LRRC56: variants seen among roughly 807,000 people sequenced by gnomAD.
LRRC56 encodes leucine-rich repeat-containing protein 56.
In LRRC56, 41 loss-of-function variants were observed where a neutral mutation model predicts 47.8. The ratio of observed to expected loss-of-function variants is 0.86; its 90% CI spans 0.67 to 1.11. LRRC56 has a LOEUF of 1.11. Among genes scored for constraint, LRRC56 ranks in the 50% most tolerant of loss-of-function variants. LRRC56 has a pLI of 0.00. For missense variants in LRRC56, 759 were observed against 704.2 expected (o/e 1.08, Z -0.88); for synonymous variants, 387 against 311.2 (o/e 1.24, Z -2.56).
At chr11:551,599 G>A in intron 9 of LRRC56, 52 bp from the exon 10 acceptor site, 1 of 1,514,464 alleles carries the variant, frequency 6.6e-7, no homozygotes, top group Non-Finnish European at 8.8e-7. Context: ...CAGAGTCTGG[G>A]GGGCGCTCTC....
upstream of LRRC56, chr11:535,192 C>T (rs1423457517): frequency 1.3e-5 from 2 of 151,434 alleles, no homozygotes; most frequent in African/African-American, 4.8e-5. Context: ...GGGTGGGGCC[C>T]GGATTCCCGC....
chr11:552,477 C>A, intron 12 of LRRC56, 92 bp from the exon 13 acceptor site: 1 of 1,286,822 alleles, frequency 7.8e-7, no homozygotes, highest in South Asian at 1.4e-5. Context: ...TTGGCTGAGT[C>A]ATCCCCAGTC....
At chr11:517,070 C>T in the LRRC56 span, among the ~76,000 whole-genome samples, 5 of 152,334 alleles carry the variant, frequency 3.3e-5, no homozygotes, top group East Asian at 3.9e-4. Context: ...GGCTGGTCTC[C>T]GGCTCCTGAC....
Position 541,549 on chromosome 11 carries a change from C to G in LRRC56, c.190C>G (p.Arg64Gly). 1.9e-6 allele frequency: 3 copies of G among 1,577,762 alleles called. No homozygotes were observed. The highest frequency in any genetic ancestry group is 1.7e-6 in the Non-Finnish European group (2 of 1,160,232). ...TTGGTTTCTACAGCAGGCCCTGGCCCGGGTGGATGACCTTCGGCTGGTGAG... is the reference window on the plus strand; with the variant it reads ...TTGGTTTCTACAGCAGGCCCTGGCCGGGGTGGATGACCTTCGGCTGGTGAG... ...LSPARLQALA[R>G]VDDLRLVRTL... Residue 64 changes from arginine to glycine, a missense_variant, in exon 5 of 14, where the codon CGG (arginine) becomes GGG (glycine). Transcript: ENST00000270115. The surrounding 1 kb of genome is among the most constrained non-coding windows in gnomAD (Gnocchi z 4.1).
At chr11:506,896 A>C in the LRRC56 span, 1 of 152,212 alleles carries the variant, frequency 6.6e-6, no homozygotes, top group African/African-American at 2.4e-5. Context: ...AAGGCGCGCC[A>C]CGTCCGCCCG....
the LRRC56 span, among the ~76,000 whole-genome samples, chr11:513,136 C>CTGTTT: frequency 2.0e-5 from 3 of 152,228 alleles, no homozygotes; most frequent in African/African-American, 7.2e-5. Flanking sequence ...CCGCTTCAAG[C>CTGTTT]TGTTTTGTTT....
the LRRC56 span, chr11:532,457 TTCCTTCCTCC>T: frequency 3.4e-6 from 3 of 870,878 alleles, no homozygotes; most frequent in Non-Finnish European, 5.3e-6. Context: ...GCTTCCGTCC[TTCCTTCCTCC>T]TCCTTCCGTC....
intron 2 of LRRC56, among the ~76,000 whole-genome samples, 171 bp from the exon 3 acceptor site, chr11:539,407 CAG>C (rs1480498394): frequency 6.2e-5 from 4 of 64,954 alleles, no homozygotes; most frequent in Admixed American, 3.3e-4. Flanking sequence ...TTTTTTGAGA[CAG>C]AGTCTTGCTC....
chr11:550,324 T>A, intron 8 of LRRC56, 52 bp downstream of exon 8: 1 of 1,458,020 alleles, frequency 6.9e-7, no homozygotes, highest in Non-Finnish European at 9.1e-7. Context: ...AGAGGCTCCC[T>A]GTGGCTCCAG....
Position 551,173 on chromosome 11 carries a change from A to G in LRRC56, c.667A>G (p.Ile223Val), listed in dbSNP as rs1441179810. 1 of 1,541,676 alleles carries G rather than the reference A, an allele frequency of 6.5e-7. No homozygotes were observed. Among genetic ancestry groups the G allele is most frequent in the Non-Finnish European group, 8.8e-7 (1 of 1,141,666 alleles). Residue 223 changes from isoleucine (I) to valine (V), a missense_variant, in exon 9 of 14, where the codon ATT (isoleucine) becomes GTT (valine). Ile to Val is a conservative substitution (Grantham distance 29). Transcript: ENST00000270115. Reference sequence around the variant, plus strand: ...CTACAGGGCAGAGGTGAGGAAGCTCATTCCCCAGCTGCAGGTCCTGGACGA... The same window carrying G: ...CTACAGGGCAGAGGTGAGGAAGCTCGTTCCCCAGCTGCAGGTCCTGGACGA... ...YNYRAEVRKL[I>V]PQLQVLDEVP...
the LRRC56 span, among the ~76,000 whole-genome samples, chr11:531,228 G>T: frequency 6.6e-5 from 10 of 152,038 alleles, no homozygotes; most frequent in Admixed American, 4.6e-4. Context: ...TGGACAAAAG[G>T]GGGAGTGTCC....
At chr11:543,983 A>T (rs755046518) in intron 5 of LRRC56, among the ~76,000 whole-genome samples, 1 of 151,790 alleles carries the variant, frequency 6.6e-6, no homozygotes, top group Non-Finnish European at 1.5e-5. Flanking sequence ...CTACTGACCT[A>T]GTGATCCACC....
chr11:553,382 C>A (rs1049459887), intron 13 of LRRC56, among the ~76,000 whole-genome samples: 1 of 152,140 alleles, frequency 6.6e-6, no homozygotes, highest in Non-Finnish European at 1.5e-5. Context: ...GGGAACAGGG[C>A]AGGCCAAGCC....
chr11:507,218 G>C, the LRRC56 span: 1 of 152,008 alleles, frequency 6.6e-6, no homozygotes, highest in African/African-American at 2.4e-5. Flanking sequence ...AACCCCACCC[G>C]CCAGTCAGCG....
chr11:544,690 G>A, intron 5 of LRRC56, 30 bp from the exon 6 acceptor site: 3 of 1,611,980 alleles, frequency 1.9e-6, no homozygotes, highest in South Asian at 1.1e-5. Context: ...TGAGGGGCCG[G>A]GCCAACCTCC....
upstream of LRRC56, chr11:533,460 GTCTTGGCCGAGGTC>G (rs1851236098): frequency 6.2e-7 from 1 of 1,613,202 alleles, no homozygotes; most frequent in African/African-American, 1.3e-5. Flanking sequence ...CACCTGCCGG[GTCTTGGCCGAGGTC>G]TCGATGTAGG....
At chr11:521,651 A>C in the LRRC56 span, among the ~76,000 whole-genome samples, 1 of 152,314 alleles carries the variant, frequency 6.6e-6, no homozygotes, top group South Asian at 2.1e-4. Flanking sequence ...GAGGTGGCTC[A>C]CGCCTGTAAT....
At chr11:525,823 C>G in the LRRC56 span, among the ~76,000 whole-genome samples, 10 of 152,046 alleles carry the variant, frequency 6.6e-5, no homozygotes, top group Non-Finnish European at 1.5e-5. Context: ...TCACTTAAGC[C>G]AGGCAGGTTG....
the LRRC56 span, among the ~76,000 whole-genome samples, chr11:507,763 G>C: frequency 6.6e-6 from 1 of 152,184 alleles, no homozygotes; most frequent in Non-Finnish European, 1.5e-5. Flanking sequence ...TTTGCGCCGA[G>C]CTCGCGACCC....
Sources: gnomAD v4.1 joint callset for allele counts (sites outside exome capture counted in the v4.1 genomes callset) on GRCh38, gnomAD v4.1.1 for gene constraint, Gnocchi (gnomAD v3.1) non-coding constraint, MANE v1.5 for transcripts, NCBI Gene and HGNC (gene_info 2026-07-23, HGNC 2026-07-21) for gene names.